The following LRRC4C variants were observed in gnomAD, a reference collection of about 807,000 sequenced individuals.
LRRC4C encodes leucine-rich repeat-containing protein 4C.
Under a neutral mutation model 33.6 loss-of-function variants are expected in LRRC4C, and 5 were observed. The observed-to-expected ratio is 0.15, with a 90% CI of 0.08 to 0.31. The LOEUF is 0.31. Among genes scored for constraint, LRRC4C ranks in the 10% least tolerant of loss-of-function variants. The probability of loss-of-function intolerance (pLI) is 1.00; values close to 1 mark genes in which losing one functional copy is unlikely to be tolerated. For synonymous variants in LRRC4C, 329 were observed against 302.0 expected, an observed-to-expected ratio of 1.09 and a Z score of -0.93; for missense variants, 560 against 796.7, an observed-to-expected ratio of 0.70 and a Z score of 3.58.
intron 3 of LRRC4C, among the ~76,000 whole-genome samples, chr11:40,577,859 G>C (rs1352689593): frequency 7.8e-6 from 1 of 128,470 alleles, no homozygotes; most frequent in African/African-American, 3.0e-5. Context: ...TTTTTGAGAC[G>C]GAGTCTCGCT....
At chr11:40,225,570 C>G (rs1466912614) in intron 5 of LRRC4C, among the ~76,000 whole-genome samples, 1 of 151,316 alleles carries the variant, frequency 6.6e-6, no homozygotes, top group Non-Finnish European at 1.5e-5. Flanking sequence ...TGGAGGATTG[C>G]TTTCTACACA....
intron 1 of LRRC4C, among the ~76,000 whole-genome samples, chr11:41,163,002 A>C (rs1944541034): frequency 6.6e-6 from 1 of 152,186 alleles, no homozygotes; most frequent in Non-Finnish European, 1.5e-5. Flanking sequence ...AGATAATTTG[A>C]ATTATGGGGT....
intron 2 of LRRC4C, among the ~76,000 whole-genome samples, chr11:40,788,703 A>G (rs942334941): frequency 1.3e-5 from 2 of 152,194 alleles, no homozygotes; most frequent in African/African-American, 2.4e-5. Context: ...TGAAGTTATA[A>G]TGCTTCTCTC....
At chr11:40,997,210 A>C (rs1854041645) in intron 1 of LRRC4C, among the ~76,000 whole-genome samples, 2 of 152,132 alleles carry the variant, frequency 1.3e-5, no homozygotes, top group Non-Finnish European at 2.9e-5. Context: ...ATACTGTGAG[A>C]AGAAAAATAA....
intron 1 of LRRC4C, among the ~76,000 whole-genome samples, chr11:41,261,859 G>A (rs1038842381): frequency 6.6e-6 from 1 of 151,920 alleles, no homozygotes; most frequent in African/African-American, 2.4e-5. Context: ...ATTAAAATAA[G>A]GTAAAACCTA....
At chr11:40,621,018 C>T (rs1291254416) in intron 3 of LRRC4C, among the ~76,000 whole-genome samples, 1 of 151,554 alleles carries the variant, frequency 6.6e-6, no homozygotes, top group Non-Finnish European at 1.5e-5. Flanking sequence ...AGTGCATATA[C>T]CACCAAATTT....
At chr11:40,913,096 T>A (rs4756624) in intron 2 of LRRC4C, among the ~76,000 whole-genome samples, 1 of 151,984 alleles carries the variant, frequency 6.6e-6, no homozygotes, top group African/African-American at 2.4e-5. Context: ...ACAATAATAA[T>A]GGGAGACTTT....
chr11:41,009,147 T>C (rs1467861949), intron 1 of LRRC4C, among the ~76,000 whole-genome samples: 2 of 152,218 alleles, frequency 1.3e-5, no homozygotes, highest in African/African-American at 4.8e-5. Context: ...AAATAGCTTC[T>C]TTGTTTTGAT....
At chr11:40,209,907 C>G (rs1468005504) in intron 5 of LRRC4C, among the ~76,000 whole-genome samples, 1 of 152,014 alleles carries the variant, frequency 6.6e-6, no homozygotes, top group East Asian at 1.9e-4. Context: ...AAAGGAGATG[C>G]CTTGAAGAAA....
chr11:41,319,888 A>G (rs989451144), intron 1 of LRRC4C, among the ~76,000 whole-genome samples: 2 of 152,176 alleles, frequency 1.3e-5, no homozygotes, highest in African/African-American at 4.8e-5. Flanking sequence ...TTTCATTTTT[A>G]AAGATATATG....
In LRRC4C at chr11:40,221,723, G is replaced by A. The variant is rs779677296; in HGVS notation, c.-96+19796C>T. ...GACCTAATCGGTTATGCTATCTATA[G>A]ATTAAAGACATTGTATAGAAAAGCA... On this transcript the variant is annotated intron_variant, in intron 5 of 6. Coordinates refer to ENST00000528697, the MANE Select transcript of LRRC4C (RefSeq NM_001258419.2). Among the ~76,000 whole-genome samples, 14 of 152,270 alleles carry A rather than the reference G, an allele frequency of 9.2e-5. No individual in the cohort carries two copies. In the South Asian group the frequency reaches 2.1e-3, roughly 23 times the overall value.
chr11:41,353,803 T>C (rs1952064126), intron 1 of LRRC4C, among the ~76,000 whole-genome samples: 1 of 152,018 alleles, frequency 6.6e-6, no homozygotes, highest in Non-Finnish European at 1.5e-5. Flanking sequence ...CATAACTCTT[T>C]CAATAAAATT....
chr11:40,798,645 C>CTT (rs11341571), intron 2 of LRRC4C, among the ~76,000 whole-genome samples: 24 of 137,782 alleles, frequency 1.7e-4, no homozygotes, highest in African/African-American at 4.9e-4. Flanking sequence ...TTCTTTCTTT[C>CTT]TTTTTTTTTT....
chr11:40,514,322 G>T (rs548411311), intron 3 of LRRC4C, among the ~76,000 whole-genome samples: 1 of 152,314 alleles, frequency 6.6e-6, no homozygotes, highest in East Asian at 1.9e-4. Flanking sequence ...CTACACCCTA[G>T]TGGTAAAGTG....
At chr11:40,614,088 G>A (rs1961515437) in intron 3 of LRRC4C, among the ~76,000 whole-genome samples, 2 of 151,748 alleles carry the variant, frequency 1.3e-5, no homozygotes, top group African/African-American at 2.4e-5. Context: ...AGCTATGTTA[G>A]CCCTTAACAA....
At chr11:40,915,784 T>C (rs61284101) in intron 2 of LRRC4C, among the ~76,000 whole-genome samples, 19,240 of 151,938 alleles carry the variant, frequency 0.13, 1,862 homozygotes, top group African/African-American at 0.26. Context: ...AGAAAATTTT[T>C]GCAATCTACT....
chr11:41,191,289 A>G (rs1220430644), intron 1 of LRRC4C, among the ~76,000 whole-genome samples: 1 of 152,196 alleles, frequency 6.6e-6, no homozygotes, highest in East Asian at 1.9e-4. Flanking sequence ...ATCAAGTGTC[A>G]GGAGCCTGCT....
intron 1 of LRRC4C, among the ~76,000 whole-genome samples, chr11:40,985,044 A>G (rs1852899780): frequency 6.6e-6 from 1 of 151,328 alleles, no homozygotes; most frequent in Non-Finnish European, 1.5e-5. Context: ...ACACTTATTA[A>G]TTAAACTCCA....
intron 1 of LRRC4C, among the ~76,000 whole-genome samples, chr11:41,016,829 C>T (rs1473001599): frequency 6.6e-6 from 1 of 152,080 alleles, no homozygotes; most frequent in Non-Finnish European, 1.5e-5. Context: ...TGATTTTCTT[C>T]CAGAGGAGAC....
Sources: allele counts gnomAD v4.1 joint callset (sites outside exome capture counted in the v4.1 genomes callset), GRCh38; gene constraint gnomAD v4.1.1; transcripts MANE v1.5; gene names NCBI Gene and HGNC (gene_info 2026-07-23, HGNC 2026-07-21).